The following SMIM36 variants were observed in gnomAD, a reference collection of about 807,000 sequenced individuals.
The protein encoded by SMIM36 is small integral membrane protein 36.
At chr17:55,479,256 G>T (rs1407130754) in intron 2 of SMIM36, among the ~76,000 whole-genome samples, 1 of 152,220 alleles carries the variant, frequency 6.6e-6, no homozygotes, top group Non-Finnish European at 1.5e-5. Flanking sequence ...ACAGGCAGGT[G>T]TCAGGATTCT....
In SMIM36 at chr17:55,493,334, A is replaced by T. The variant is rs151172726; in HGVS notation, c.*175-13754T>A. ...TGAAGCTAGTGCCTCCTAGGAAGTT[A>T]GTGGCTGGGCTAAGAATTAGAACCC... is the stretch of plus-strand genomic sequence containing the variant. On this transcript the variant is annotated intron_variant, in intron 1 of 4. Coordinates refer to ENST00000636752, the Ensembl canonical transcript of SMIM36. 2.0e-5 allele frequency among the ~76,000 whole-genome samples: 3 copies of T among 152,350 alleles called. No homozygotes were observed. In the East Asian group the frequency reaches 5.8e-4, roughly 29 times the overall value.
intron 4 of SMIM36, among the ~76,000 whole-genome samples, chr17:55,465,134 T>A (rs73318290): frequency 0.05 from 7,598 of 152,264 alleles, 576 homozygotes; most frequent in African/African-American, 0.16. Flanking sequence ...AACAATCTGC[T>A]CCATTCTGAG....
chr17:55,515,084 G>GTTTTT (rs1567874075), upstream of SMIM36, among the ~76,000 whole-genome samples: 43 of 56,148 alleles, frequency 7.7e-4, 5 homozygotes, highest in Non-Finnish European at 2.0e-3. Context: ...TTCTAGTCTA[G>GTTTTT]TGTTTTTTTT....
At chr17:55,476,576 T>TG (rs569815252) in intron 3 of SMIM36, among the ~76,000 whole-genome samples, 1,541 of 151,996 alleles carry the variant, frequency 0.01, 16 homozygotes, top group African/African-American at 0.026. Context: ...TATTTTTTTT[T>TG]TTTGTTTGTT....
the SMIM36 span, among the ~76,000 whole-genome samples, chr17:55,528,654 G>A: frequency 6.6e-6 from 1 of 151,172 alleles, no homozygotes; most frequent in Non-Finnish European, 1.5e-5. Context: ...CCGGGTTCAA[G>A]CAGTTCTGCC....
At chr17:55,501,682 G>T (rs1364370338) in intron 1 of SMIM36, among the ~76,000 whole-genome samples, 3 of 145,590 alleles carry the variant, frequency 2.1e-5, no homozygotes, top group African/African-American at 7.6e-5. Context: ...TATTTTATGG[G>T]TGTTTATATA....
At chr17:55,496,526 G>A (rs1047362257) in intron 1 of SMIM36, among the ~76,000 whole-genome samples, 4 of 152,136 alleles carry the variant, frequency 2.6e-5, no homozygotes, top group South Asian at 2.1e-4. Context: ...AGTCAAAGTC[G>A]AAATAACTGT....
At chr17:55,523,204 G>A in the SMIM36 span, among the ~76,000 whole-genome samples, 1 of 152,110 alleles carries the variant, frequency 6.6e-6, no homozygotes, top group South Asian at 2.1e-4. Context: ...AGACCACACA[G>A]GGAGACAGCA....
At chr17:55,483,486 C>G (rs991473356) in intron 1 of SMIM36, among the ~76,000 whole-genome samples, 1 of 152,166 alleles carries the variant, frequency 6.6e-6, no homozygotes, top group African/African-American at 2.4e-5. Flanking sequence ...AGATGACCCT[C>G]CATCATGTGG....
exon 1 of SMIM36, chr17:55,511,232 A>G (rs1359031244): frequency 7.5e-6 from 3 of 398,574 alleles, no homozygotes; most frequent in Non-Finnish European, 1.3e-5. Flanking sequence ...CGGCAGTCGT[A>G]TAGCACGCAG....
intron 4 of SMIM36, among the ~76,000 whole-genome samples, chr17:55,453,521 G>A (rs962145858): frequency 6.6e-6 from 1 of 152,116 alleles, no homozygotes; most frequent in Admixed American, 6.5e-5. Context: ...CGATTTCCAG[G>A]TTGTTTTTAA....
chr17:55,525,765 C>T, the SMIM36 span, among the ~76,000 whole-genome samples: 2 of 152,002 alleles, frequency 1.3e-5, no homozygotes, highest in Non-Finnish European at 1.5e-5. Flanking sequence ...TCAAGTGATT[C>T]TCCAGCCTCA....
intron 1 of SMIM36, among the ~76,000 whole-genome samples, chr17:55,489,367 C>G (rs939651164): frequency 5.1e-5 from 7 of 137,344 alleles, no homozygotes; most frequent in African/African-American, 1.9e-4. Context: ...AGAACAAAAC[C>G]CTGTCTCCAA....
chr17:55,499,080 T>A (rs1006203063), intron 1 of SMIM36, among the ~76,000 whole-genome samples: 1 of 146,952 alleles, frequency 6.8e-6, no homozygotes, highest in African/African-American at 2.5e-5. Flanking sequence ...AGAGGGGAAA[T>A]TGAGTGAGGC....
At chr17:55,491,674 T>C (rs1052591436) in intron 1 of SMIM36, among the ~76,000 whole-genome samples, 23 of 152,212 alleles carry the variant, frequency 1.5e-4, no homozygotes, top group African/African-American at 5.5e-4. Context: ...GCCTATTCCC[T>C]CTTTCTCCCC....
intron 4 of SMIM36, among the ~76,000 whole-genome samples, chr17:55,464,638 T>G (rs983015444): frequency 3.9e-5 from 6 of 152,216 alleles, no homozygotes; most frequent in African/African-American, 1.2e-4. Context: ...AATGGTAGCT[T>G]TAAGCATCTG....
At chr17:55,514,159 T>G (rs949624608), upstream of SMIM36, among the ~76,000 whole-genome samples, 1 of 152,138 alleles carries the variant, frequency 6.6e-6, no homozygotes, top group African/African-American at 2.4e-5. Flanking sequence ...CCATCTTTCC[T>G]TCTTTTGCTG....
chr17:55,519,531 C>A, the SMIM36 span, among the ~76,000 whole-genome samples: 13 of 152,078 alleles, frequency 8.5e-5, no homozygotes, highest in Middle Eastern at 3.2e-3. Flanking sequence ...AAATTATTTG[C>A]AATGACAAGA....
intron 4 of SMIM36, chr17:55,458,367 G>A (rs1206251650): frequency 1.3e-5 from 2 of 152,168 alleles, no homozygotes; most frequent in East Asian, 3.9e-4. Context: ...GGGAGTGCTG[G>A]GAAGGGAAGA....
Sources: allele counts gnomAD v4.1 joint callset (sites outside exome capture counted in the v4.1 genomes callset), GRCh38; gene constraint gnomAD v4.1.1; transcripts MANE v1.5; gene names NCBI Gene and HGNC (gene_info 2026-07-23, HGNC 2026-07-21).